Variants in USH2A observed in about 807,000 individuals in gnomAD.
USH2A encodes usherin, also known as Usher syndrome 2A (autosomal recessive, mild).
Under a neutral mutation model 538.9 loss-of-function variants are expected in USH2A, and 443 were observed. The observed-to-expected ratio is 0.82, with a 90% CI of 0.76 to 0.89. USH2A has a LOEUF of 0.89. USH2A is among the 40% of genes least tolerant of loss of function. The pLI, the probability that USH2A is intolerant of heterozygous loss-of-function variation, is 0.00. For synonymous variants in USH2A, 2,413 were observed against 2,273.5 expected (o/e 1.06, Z -1.75); for missense variants, 6,633 against 6,324.8 (o/e 1.05, Z -1.65).
intron 35 of USH2A, among the ~76,000 whole-genome samples, chr1:215,984,336 G>C (rs1323229555): frequency 6.6e-6 from 1 of 152,202 alleles, no homozygotes; most frequent in Admixed American, 6.5e-5. Context: ...GGCAAAGGGG[G>C]TCAGGTTCTG....
intron 61 of USH2A, among the ~76,000 whole-genome samples, chr1:215,720,757 AG>A (rs559371556): frequency 6.6e-6 from 1 of 152,164 alleles, no homozygotes; most frequent in Non-Finnish European, 1.5e-5. Flanking sequence ...ACAAATAGTA[AG>A]AAATTAGCCA....
intron 44 of USH2A, among the ~76,000 whole-genome samples, chr1:215,857,416 C>T (rs1379697563): frequency 1.3e-5 from 2 of 152,116 alleles, no homozygotes; most frequent in Non-Finnish European, 2.9e-5. Flanking sequence ...TTGCAGCCTG[C>T]AGGATGGCCA....
chr1:216,058,465 G>A (rs1168938582), intron 30 of USH2A, among the ~76,000 whole-genome samples: 1 of 148,714 alleles, frequency 6.7e-6, no homozygotes, highest in Non-Finnish European at 1.5e-5. Context: ...TTAAATAAAT[G>A]AATATTTTCT....
chr1:216,181,772 A>T (rs964908851), intron 20 of USH2A, among the ~76,000 whole-genome samples: 2 of 152,108 alleles, frequency 1.3e-5, no homozygotes, highest in African/African-American at 4.8e-5. Context: ...TTAACTACTT[A>T]AATGCATCGT....
At chr1:216,314,626 A>G (rs1237422485) in intron 9 of USH2A, among the ~76,000 whole-genome samples, 1 of 152,116 alleles carries the variant, frequency 6.6e-6, no homozygotes, top group Non-Finnish European at 1.5e-5. Flanking sequence ...TTTATATAAT[A>G]AGCATTCTAG....
intron 3 of USH2A, among the ~76,000 whole-genome samples, chr1:216,408,137 T>G (rs147440003): frequency 2.1e-4 from 32 of 152,318 alleles, no homozygotes; most frequent in Non-Finnish European, 3.4e-4. Flanking sequence ...GTTTTCATGT[T>G]TAAATGTTAA....
At chr1:216,023,000 G>T (rs1668875615) in intron 32 of USH2A, among the ~76,000 whole-genome samples, 1 of 152,152 alleles carries the variant, frequency 6.6e-6, no homozygotes, top group Non-Finnish European at 1.5e-5. Flanking sequence ...CTAAGTGCAA[G>T]TGAGAAAACC....
intron 32 of USH2A, among the ~76,000 whole-genome samples, chr1:216,034,519 A>C (rs2102514362): frequency 6.6e-6 from 1 of 152,232 alleles, no homozygotes; most frequent in South Asian, 2.1e-4. Flanking sequence ...AGATGTCATG[A>C]AGTTAAGTTG....
chr1:215,656,536 T>C (rs923031662), intron 64 of USH2A, among the ~76,000 whole-genome samples: 4 of 152,206 alleles, frequency 2.6e-5, no homozygotes, highest in African/African-American at 9.6e-5. Flanking sequence ...CGATTAATCT[T>C]TTACAAAAGA....
intron 33 of USH2A, among the ~76,000 whole-genome samples, chr1:215,999,384 G>C (rs183422996): frequency 9.9e-5 from 15 of 152,120 alleles, no homozygotes; most frequent in African/African-American, 3.4e-4. Context: ...ACTTAGATAT[G>C]GGGAAAAGAG....
At chr1:216,222,913 G>T (rs1336438497) in intron 14 of USH2A, among the ~76,000 whole-genome samples, 1 of 150,638 alleles carries the variant, frequency 6.6e-6, no homozygotes, top group Non-Finnish European at 1.5e-5. Context: ...AGGAGGCGGA[G>T]GTTGTGGTGA....
chr1:216,053,421 A>AATC (rs1326004484), intron 30 of USH2A, among the ~76,000 whole-genome samples: 1 of 150,934 alleles, frequency 6.6e-6, no homozygotes, highest in Non-Finnish European at 1.5e-5. Context: ...TTTGGTTGTG[A>AATC]ATCTCTTTGT....
intron 11 of USH2A, among the ~76,000 whole-genome samples, chr1:216,269,944 A>G (rs2036544364): frequency 6.6e-6 from 1 of 152,124 alleles, no homozygotes. Flanking sequence ...ATAAAATTCT[A>G]TGAGGGTGAA....
At chr1:216,035,960 T>C (rs1022131304) in intron 32 of USH2A, among the ~76,000 whole-genome samples, 2 of 152,154 alleles carry the variant, frequency 1.3e-5, no homozygotes, top group African/African-American at 2.4e-5. Context: ...TAAGTCAATA[T>C]TGCAAGATAG....
chr1:216,201,007 CCCTCCCTTCCTTCCTTCCTTCCTT>C (rs1163873430), intron 16 of USH2A, among the ~76,000 whole-genome samples: 2 of 90,246 alleles, frequency 2.2e-5, no homozygotes, highest in Non-Finnish European at 4.6e-5. Context: ...CTCCCTCCCT[CCCTCCCTTCCTTCCTTCCTTCCTT>C]CCTTCCTTCC....
intron 38 of USH2A, 86 bp downstream of exon 38, chr1:215,934,530 C>A: frequency 2.2e-6 from 3 of 1,376,036 alleles, no homozygotes; most frequent in South Asian, 1.3e-5. Flanking sequence ...AATAAAATAC[C>A]TCTAAAAATA....
chr1:215,742,230 C>T (rs963321172), intron 59 of USH2A, among the ~76,000 whole-genome samples: 2 of 152,100 alleles, frequency 1.3e-5, no homozygotes, highest in African/African-American at 4.8e-5. Flanking sequence ...TAATTCTAAC[C>T]AACTCCATGA....
intron 11 of USH2A, among the ~76,000 whole-genome samples, chr1:216,268,317 T>C (rs2036513643): frequency 6.6e-6 from 1 of 152,074 alleles, no homozygotes; most frequent in African/African-American, 2.4e-5. Flanking sequence ...TCTGAACAAC[T>C]TAAATCTACT....
intron 21 of USH2A, among the ~76,000 whole-genome samples, chr1:216,167,550 T>C (rs2034194693): frequency 2.0e-5 from 3 of 152,066 alleles, no homozygotes; most frequent in Admixed American, 2.0e-4. Context: ...GACATTCAAC[T>C]TCTCCCAATT....
Sources: allele counts gnomAD v4.1 joint callset (sites outside exome capture counted in the v4.1 genomes callset), GRCh38; gene constraint gnomAD v4.1.1; transcripts MANE v1.5; gene names NCBI Gene and HGNC (gene_info 2026-07-23, HGNC 2026-07-21).